Variants in GANC observed in about 807,000 individuals in gnomAD.
GANC encodes glucosidase alpha, neutral C.
GANC carries 117 observed loss-of-function variants against 124.2 expected under a neutral mutation model. The observed-to-expected ratio is 0.94, with a 90% CI of 0.81 to 1.10. The LOEUF (loss-of-function observed/expected upper bound fraction) is 1.10. Ranked by LOEUF, GANC falls within the 50% of genes least tolerant of loss-of-function variation. GANC has a pLI of 0.00. For missense variants in GANC, 1,140 were observed against 1,095.0 expected (o/e 1.04, Z -0.58); for synonymous variants, 377 against 376.8 (o/e 1.00, Z -0.01).
intron 10 of GANC, among the ~76,000 whole-genome samples, chr15:42,312,820 A>C (rs915525902): frequency 6.6e-6 from 1 of 151,966 alleles, no homozygotes; most frequent in African/African-American, 2.4e-5. Context: ...GCTGTAATCC[A>C]GCTACTCGGG....
At chr15:42,288,988 G>A (rs1426576892) in intron 4 of GANC, among the ~76,000 whole-genome samples, 1 of 152,198 alleles carries the variant, frequency 6.6e-6, no homozygotes, top group Non-Finnish European at 1.5e-5. Context: ...AAGTTAATCT[G>A]TAATTTTCTC....
intron 7 of GANC, among the ~76,000 whole-genome samples, chr15:42,306,851 G>C (rs1463334639): frequency 6.6e-6 from 1 of 152,176 alleles, no homozygotes; most frequent in African/African-American, 2.4e-5. Flanking sequence ...GTCTCATACA[G>C]GGTCATGGGT....
chr15:42,296,848 TC>T (rs1157505290), intron 5 of GANC, among the ~76,000 whole-genome samples: 10 of 150,538 alleles, frequency 6.6e-5, no homozygotes, highest in Non-Finnish European at 1.5e-5. Context: ...TTTTTCTTTT[TC>T]CTTTTTTTTT....
chr15:42,313,598 C>G (rs548840807), intron 10 of GANC: 1 of 155,986 alleles, frequency 6.4e-6, no homozygotes, highest in Non-Finnish European at 1.4e-5. Flanking sequence ...AGGGCGCATG[C>G]AGCCTCTAGA....
rs780629765 is a variant in GANC, at chr15:42,339,744, CCTT to C, written c.1924_1926del (p.Phe642del). The C allele has an allele frequency of 1.2e-6, 2 of 1,614,172 alleles. No individual in the cohort carries two copies. Among genetic ancestry groups the C allele is most frequent in the South Asian group, 1.1e-5 (1 of 91,086 alleles). ...TGGTACCAGGCTGGAGCCTACCAGC[CCTT>C]CTTCCGTGGCCATGCCACCATGAAC... On this transcript the variant is annotated inframe_deletion, in exon 17 of 24. Transcript: ENST00000318010.
intron 6 of GANC, 62 bp from the exon 7 acceptor site, chr15:42,306,483 AT>A: frequency 7.9e-7 from 1 of 1,258,622 alleles, no homozygotes. Flanking sequence ...AAAATGAGCT[AT>A]TGTGGTAAAC....
At chr15:42,296,699 G>C (rs1168120260) in intron 5 of GANC, among the ~76,000 whole-genome samples, 1 of 151,894 alleles carries the variant, frequency 6.6e-6, no homozygotes. Flanking sequence ...AGACTCCTTG[G>C]GGTTTTTAAT....
At chr15:42,279,886 T>C (rs1013785067) in intron 3 of GANC, among the ~76,000 whole-genome samples, 1 of 152,180 alleles carries the variant, frequency 6.6e-6, no homozygotes, top group Non-Finnish European at 1.5e-5. Flanking sequence ...TGTACTGATA[T>C]TCGTGGGTTC....
intron 15 of GANC, among the ~76,000 whole-genome samples, chr15:42,331,503 G>A (rs2052245574): frequency 6.6e-6 from 1 of 152,134 alleles, no homozygotes; most frequent in Non-Finnish European, 1.5e-5. Flanking sequence ...AAGTCCCCTG[G>A]CCTTGCATAA....
In GANC at chr15:42,273,356, G is replaced by A. The variant is rs1566946017; in HGVS notation, c.-1126G>A. Reference sequence around the variant, plus strand: ...GGTGACGGGTGAGCTCCCAGAAGCAGAAGAATGACAGGCAACACCTGAAGC... The same window carrying A: ...GGTGACGGGTGAGCTCCCAGAAGCAAAAGAATGACAGGCAACACCTGAAGC... On this transcript the variant is annotated 5_prime_UTR_variant, in exon 1 of 24. Coordinates refer to ENST00000318010, the MANE Select transcript of GANC (RefSeq NM_198141.3). 1.2e-6 allele frequency: 2 copies of A among 1,612,594 alleles called. No individual in the cohort carries two copies. The highest frequency in any genetic ancestry group is 1.1e-5 in the South Asian group (1 of 91,040).
At chr15:42,294,658 T>C (rs996928606) in intron 5 of GANC, among the ~76,000 whole-genome samples, 9 of 151,208 alleles carry the variant, frequency 6.0e-5, no homozygotes, top group Non-Finnish European at 4.4e-5. Flanking sequence ...ATTTTATATA[T>C]ATTCTTTGAC....
At chr15:42,295,660 ACACACACACAC>A (rs2051884160) in intron 5 of GANC, among the ~76,000 whole-genome samples, 1 of 148,824 alleles carries the variant, frequency 6.7e-6, no homozygotes, top group Admixed American at 6.7e-5. Context: ...ACACACACAC[ACACACACACAC>A]ACACACACAC....
chr15:42,310,751 A>C lies in GANC; in HGVS notation c.962A>C (p.His321Pro), dbSNP rs770690162. 6.2e-7 allele frequency: 1 copy of C among 1,614,016 alleles called. No individual in the cohort carries two copies. Among genetic ancestry groups the C allele is most frequent in the African/African-American group, 1.3e-5 (1 of 74,940 alleles). The change falls in exon 10 of 24, where the codon CAT becomes CCT. Residue 321 changes from histidine to proline, a missense_variant. Physicochemically the swap from His to Pro is moderately conservative, Grantham distance 77. Coordinates refer to ENST00000318010, the MANE Select transcript of GANC (RefSeq NM_198141.3). Reference sequence around the variant, plus strand: ...AAACAAAAGGTCAGATCTCGCACTCATGTGCACTGGATGTCAGAGAGTGGC... The same window carrying C: ...AAACAAAAGGTCAGATCTCGCACTCCTGTGCACTGGATGTCAGAGAGTGGC... ...AAKQKVRSRT[H>P]VHWMSESGII... is the part of the protein sequence containing the mutation.
intron 18 of GANC, 68 bp downstream of exon 18, chr15:42,340,822 A>C: frequency 2.3e-6 from 3 of 1,278,596 alleles, no homozygotes; most frequent in Non-Finnish European, 3.3e-6. Context: ...GCTGGAGTGC[A>C]GTGATGCTAT....
intron 4 of GANC, among the ~76,000 whole-genome samples, chr15:42,292,421 CAT>C (rs1324022429): frequency 1.3e-5 from 2 of 151,452 alleles, no homozygotes; most frequent in Non-Finnish European, 2.9e-5. Context: ...GAGCTTTACA[CAT>C]GTGATCTCAT....
intron 10 of GANC, chr15:42,314,409 C>T: frequency 2.4e-6 from 1 of 410,008 alleles, no homozygotes; most frequent in Admixed American, 4.1e-5. Flanking sequence ...TTGAATCCAG[C>T]TTTGTGCGTA....
chr15:42,284,872 A>G (rs1212308482), intron 3 of GANC, among the ~76,000 whole-genome samples: 1 of 152,194 alleles, frequency 6.6e-6, no homozygotes, highest in Non-Finnish European at 1.5e-5. Context: ...TCCATTTAAA[A>G]TTATTAGATG....
chr15:42,309,755 A>C (rs991735761), intron 8 of GANC, among the ~76,000 whole-genome samples: 25 of 151,924 alleles, frequency 1.6e-4, no homozygotes, highest in Non-Finnish European at 2.5e-4. Context: ...ACAGTGGCTC[A>C]TACCTGTAAT....
At chr15:42,312,122 C>G (rs1428493089) in intron 10 of GANC, among the ~76,000 whole-genome samples, 2 of 152,188 alleles carry the variant, frequency 1.3e-5, no homozygotes, top group Non-Finnish European at 2.9e-5. Context: ...AGATTCACTG[C>G]AATCCCTATC....
Sources: gnomAD v4.1 joint callset for allele counts (sites outside exome capture counted in the v4.1 genomes callset) on GRCh38, gnomAD v4.1.1 for gene constraint, MANE v1.5 for transcripts, NCBI Gene and HGNC (gene_info 2026-07-23, HGNC 2026-07-21) for gene names.